Variants in STK32B observed in about 807,000 individuals in gnomAD.
The protein encoded by STK32B is serine/threonine-protein kinase 32B.
In STK32B, 43 loss-of-function variants were observed where a neutral mutation model predicts 52.6. That is an observed-to-expected ratio of 0.82 (90% confidence interval 0.64 to 1.05). STK32B has a LOEUF of 1.05. STK32B is among the 50% of genes least tolerant of loss of function. The pLI, the probability that STK32B is intolerant of heterozygous loss-of-function variation, is 0.00. For synonymous variants in STK32B, 238 were observed against 204.3 expected, an observed-to-expected ratio of 1.17 and a Z score of -1.41; for missense variants, 621 against 534.6, an observed-to-expected ratio of 1.16 and a Z score of -1.59.
chr4:5,150,099 A>T (rs1717222962), intron 2 of STK32B, among the ~76,000 whole-genome samples: 2 of 152,036 alleles, frequency 1.3e-5, no homozygotes, highest in South Asian at 4.1e-4. Flanking sequence ...ACTTTGAATC[A>T]TTATTGTCCA....
intron 3 of STK32B, among the ~76,000 whole-genome samples, chr4:5,231,083 C>T (rs1214788597): frequency 1.3e-5 from 2 of 152,046 alleles, no homozygotes; most frequent in Non-Finnish European, 2.9e-5. Context: ...ACATCACCTG[C>T]CAGAGTGAGG....
chr4:5,422,359 G>A (rs1221451418), intron 6 of STK32B, among the ~76,000 whole-genome samples: 2 of 152,178 alleles, frequency 1.3e-5, no homozygotes, highest in Non-Finnish European at 2.9e-5. Context: ...TCAGTTCAAA[G>A]GCCCAGTAAC....
chr4:5,161,984 C>T (rs1037218570), intron 2 of STK32B, among the ~76,000 whole-genome samples: 5 of 152,162 alleles, frequency 3.3e-5, no homozygotes, highest in Non-Finnish European at 7.3e-5. Context: ...AGATGGGCAG[C>T]ACAGAGAAGA....
intron 1 of STK32B, among the ~76,000 whole-genome samples, chr4:5,112,970 T>G (rs1714487007): frequency 6.6e-6 from 1 of 152,168 alleles, no homozygotes; most frequent in Non-Finnish European, 1.5e-5. Flanking sequence ...GCAAATATGC[T>G]ACTTCTTAAG....
chr4:5,250,619 A>G (rs1162364519), intron 3 of STK32B, among the ~76,000 whole-genome samples: 2 of 152,076 alleles, frequency 1.3e-5, no homozygotes, highest in Non-Finnish European at 2.9e-5. Context: ...AGCTGTTTTA[A>G]GTTCTTTAAG....
intron 3 of STK32B, among the ~76,000 whole-genome samples, chr4:5,330,397 T>A (rs1732153766): frequency 6.6e-6 from 1 of 152,230 alleles, no homozygotes; most frequent in South Asian, 2.1e-4. Context: ...ATGCATTTTG[T>A]TAAATGAATT....
At chr4:5,186,071 G>T (rs1327420288) in intron 3 of STK32B, among the ~76,000 whole-genome samples, 2 of 152,076 alleles carry the variant, frequency 1.3e-5, no homozygotes, top group Non-Finnish European at 2.9e-5. Context: ...TCATTAAGTC[G>T]CTATTCACTG....
intron 3 of STK32B, among the ~76,000 whole-genome samples, chr4:5,317,521 A>T (rs144184983): frequency 0.018 from 1,992 of 109,938 alleles, 218 homozygotes; most frequent in East Asian, 0.12. Context: ...TAATATATTT[A>T]TTATATATAT....
chr4:5,449,374 A>G (rs1164079142), intron 7 of STK32B, among the ~76,000 whole-genome samples: 2 of 152,198 alleles, frequency 1.3e-5, no homozygotes, highest in Non-Finnish European at 2.9e-5. Flanking sequence ...GGAATTCCCA[A>G]TGTTGTTCTA....
chr4:5,424,507 A>C (rs1027017262), intron 6 of STK32B, among the ~76,000 whole-genome samples: 4 of 152,184 alleles, frequency 2.6e-5, no homozygotes, highest in African/African-American at 9.7e-5. Context: ...AAACTGAGCC[A>C]GACTGGGGCA....
intron 1 of STK32B, among the ~76,000 whole-genome samples, chr4:5,064,978 GC>G (rs949031603): frequency 6.6e-6 from 1 of 151,304 alleles, no homozygotes; most frequent in Non-Finnish European, 1.5e-5. Flanking sequence ...CTCCAAGGTT[GC>G]CCCCTGCTTT....
At position 5,498,552 on chromosome 4, in the gene STK32B, A is replaced by G. The variant is rs150549740; in HGVS notation, c.1107-393A>G. Among the ~76,000 whole-genome samples, 984 of 152,262 alleles carry G rather than the reference A, an allele frequency of 6.5e-3. 10 individuals carry two copies. The highest frequency in any genetic ancestry group is 0.022 in the African/African-American group (922 of 41,534). On this transcript the variant is annotated intron_variant, in intron 11 of 11. Coordinates refer to ENST00000282908, the MANE Select transcript of STK32B (RefSeq NM_018401.3). The stretch of plus-strand genomic sequence containing the variant: ...TGGTACACTCGTGAGCATTTAATAC[A>G]TGTATACTGAATGAATGATACCTGG...
intron 4 of STK32B, among the ~76,000 whole-genome samples, chr4:5,348,482 G>A (rs1016654731): frequency 5.3e-5 from 8 of 152,192 alleles, no homozygotes; most frequent in African/African-American, 1.9e-4. Context: ...CAAGGAGGGA[G>A]CAACTGGCAG....
chr4:5,213,942 C>A (rs1184918641), intron 3 of STK32B, among the ~76,000 whole-genome samples: 2 of 152,180 alleles, frequency 1.3e-5, no homozygotes, highest in Non-Finnish European at 2.9e-5. Flanking sequence ...CTTGAGGTCG[C>A]AGTGATATTT....
At chr4:5,191,267 T>TC (rs1721180291) in intron 3 of STK32B, among the ~76,000 whole-genome samples, 1 of 151,686 alleles carries the variant, frequency 6.6e-6, no homozygotes, top group Non-Finnish European at 1.5e-5. Context: ...TTTTTTTTTT[T>TC]TGAGACAGAG....
At chr4:5,164,432 C>T (rs770282540) in intron 2 of STK32B, among the ~76,000 whole-genome samples, 4 of 152,174 alleles carry the variant, frequency 2.6e-5, no homozygotes, top group Non-Finnish European at 2.9e-5. Flanking sequence ...TTGATCTCAT[C>T]CTGAGATCCT....
chr4:5,420,620 G>A (rs1003722839), intron 6 of STK32B, among the ~76,000 whole-genome samples: 3 of 152,110 alleles, frequency 2.0e-5, no homozygotes, highest in African/African-American at 7.2e-5. Flanking sequence ...CCATGGAAGT[G>A]GACAGGATCC....
intron 1 of STK32B, among the ~76,000 whole-genome samples, chr4:5,097,097 C>T (rs145342958): frequency 1.6e-4 from 24 of 152,314 alleles, no homozygotes; most frequent in African/African-American, 5.5e-4. Flanking sequence ...CTTCTTGTCC[C>T]AACTATTGCT....
At chr4:5,466,274 A>T (rs1242190707) in intron 9 of STK32B, among the ~76,000 whole-genome samples, 1 of 152,190 alleles carries the variant, frequency 6.6e-6, no homozygotes, top group Non-Finnish European at 1.5e-5. Context: ...CGGAGCAGGG[A>T]ACCAGGGCAG....
Sources: allele counts gnomAD v4.1 joint callset (sites outside exome capture counted in the v4.1 genomes callset), GRCh38; gene constraint gnomAD v4.1.1; transcripts MANE v1.5; gene names NCBI Gene and HGNC (gene_info 2026-07-23, HGNC 2026-07-21).